The following HOMER1 variants were observed in gnomAD, a reference collection of about 807,000 sequenced individuals.
HOMER1 encodes homer protein homolog 1.
HOMER1 carries 3 observed loss-of-function variants against 48.9 expected under a neutral mutation model. The ratio of observed to expected loss-of-function variants is 0.06; its 90% CI spans 0.03 to 0.16. The LOEUF (loss-of-function observed/expected upper bound fraction) is 0.16, where lower values mean the gene tolerates loss of function less well. Ranked by LOEUF, HOMER1 falls within the 10% of genes least tolerant of loss-of-function variation. The probability of loss-of-function intolerance (pLI) is 1.00; values close to 1 mark genes in which losing one functional copy is unlikely to be tolerated. For synonymous variants in HOMER1, 134 were observed against 146.4 expected (o/e 0.92, Z 0.61); for missense variants, 247 against 411.4 (o/e 0.60, Z 3.46).
Position 79,447,126 on chromosome 5 carries a change from T to G in HOMER1, c.314A>C (p.Glu105Ala). The G allele has an allele frequency of 6.2e-7, 1 of 1,612,532 alleles. No individual in the cohort carries two copies. The highest frequency in any genetic ancestry group is 8.5e-7 in the Non-Finnish European group (1 of 1,179,018). ...TGCTAGTCGAGCAGCTTCTTTAAATTCCTGAAACTTTTCTGCAAACTGAAT... is the reference window on the plus strand; with the variant it reads ...TGCTAGTCGAGCAGCTTCTTTAAATGCCTGAAACTTTTCTGCAAACTGAAT... ...HLSKFAEKFQ[E>A]FKEAARLAKE... is the part of the protein sequence containing the mutation. Residue 105 changes from glutamate (E) to alanine (A), a missense_variant, in exon 4 of 9, where the codon GAA (glutamate) becomes GCA (alanine). Glu to Ala is a moderately radical substitution (Grantham distance 107). Coordinates refer to ENST00000334082, the MANE Select transcript of HOMER1 (RefSeq NM_004272.5).
At chr5:79,398,384 T>C (rs1401391324) in intron 6 of HOMER1, among the ~76,000 whole-genome samples, 3 of 151,850 alleles carry the variant, frequency 2.0e-5, no homozygotes, top group African/African-American at 4.8e-5. Flanking sequence ...GCTCATAAAA[T>C]TTTGGTTTAC....
At chr5:79,495,713 T>G (rs1752401225) in intron 1 of HOMER1, among the ~76,000 whole-genome samples, 1 of 152,230 alleles carries the variant, frequency 6.6e-6, no homozygotes, top group Non-Finnish European at 1.5e-5. Context: ...AATTTTAAGT[T>G]TTTAATTTTA....
At chr5:79,398,443 T>C (rs566613081) in intron 6 of HOMER1, among the ~76,000 whole-genome samples, 2 of 152,166 alleles carry the variant, frequency 1.3e-5, no homozygotes, top group African/African-American at 2.4e-5. Flanking sequence ...TAAATCCCTC[T>C]CCCTGGCATT....
intron 8 of HOMER1, among the ~76,000 whole-genome samples, chr5:79,396,278 T>C (rs1397538419): frequency 6.7e-6 from 1 of 149,292 alleles, no homozygotes; most frequent in Non-Finnish European, 1.5e-5. Flanking sequence ...GTATAATTCA[T>C]ACATTAGTAC....
intron 5 of HOMER1, among the ~76,000 whole-genome samples, chr5:79,404,216 T>C (rs1159299006): frequency 3.9e-5 from 6 of 152,198 alleles, no homozygotes; most frequent in African/African-American, 1.2e-4. Flanking sequence ...TATTTACTCC[T>C]AAAATCCATT....
At chr5:79,393,344 A>G (rs980255680) in intron 8 of HOMER1, among the ~76,000 whole-genome samples, 3 of 152,156 alleles carry the variant, frequency 2.0e-5, no homozygotes, top group Non-Finnish European at 4.4e-5. Context: ...AAGTCAGAGA[A>G]ATTAACATCT....
chr5:79,506,123 TA>T (rs199787924), intron 1 of HOMER1, among the ~76,000 whole-genome samples: 7 of 87,502 alleles, frequency 8.0e-5, no homozygotes, highest in African/African-American at 1.8e-4. Context: ...TTTATTTATT[TA>T]TTTTTTTGAG....
intron 5 of HOMER1, among the ~76,000 whole-genome samples, chr5:79,431,529 C>A (rs1207960854): frequency 6.6e-6 from 1 of 151,792 alleles, no homozygotes; most frequent in Admixed American, 6.6e-5. Context: ...TGGGGAGTAA[C>A]GAAAATGTTC....
Position 79,374,161 on chromosome 5 carries a change from CATCA to C in HOMER1, c.*1844_*1847del, listed in dbSNP as rs1187943104. ...TAAAAACACATTTACTTCAAAATTCCATCAATCAAATACATTTTGTTACCTGATT... is the reference window on the plus strand; with the variant it reads ...TAAAAACACATTTACTTCAAAATTCCATCAAATACATTTTGTTACCTGATT... On this transcript the variant is annotated 3_prime_UTR_variant, in exon 9 of 9. Transcript: ENST00000334082. The C allele has an allele frequency of 6.6e-6, 1 of 152,270 alleles. No individual in the cohort carries two copies. The highest frequency in any genetic ancestry group is 1.5e-5 in the Non-Finnish European group (1 of 67,848). 9.4% of individuals were successfully genotyped at this position (152,270 alleles called of 1,614,324 possible).
chr5:79,504,625 A>C (rs955519102), intron 1 of HOMER1, among the ~76,000 whole-genome samples: 1 of 152,176 alleles, frequency 6.6e-6, no homozygotes, highest in Admixed American at 6.5e-5. Context: ...GGAAGCTAGA[A>C]AGTAACTGGG....
intron 5 of HOMER1, among the ~76,000 whole-genome samples, chr5:79,404,046 G>A (rs959308627): frequency 6.6e-6 from 1 of 152,128 alleles, no homozygotes; most frequent in Non-Finnish European, 1.5e-5. Flanking sequence ...CTGAATTATA[G>A]ATTTTTCTTT....
chr5:79,507,892 C>T (rs548163383), intron 1 of HOMER1, among the ~76,000 whole-genome samples: 1 of 152,298 alleles, frequency 6.6e-6, no homozygotes, highest in East Asian at 1.9e-4. Flanking sequence ...CTGCTAAGAA[C>T]ATACCATGCT....
At chr5:79,486,334 G>C (rs567476832) in intron 1 of HOMER1, among the ~76,000 whole-genome samples, 46 of 141,250 alleles carry the variant, frequency 3.3e-4, no homozygotes, top group African/African-American at 1.2e-3. Context: ...TTGCAAGAGA[G>C]ACAATGAGAA....
At position 79,490,792 on chromosome 5, in the gene HOMER1, A is replaced by AAAAAAAAAAAAAAC. The variant is rs148573552; in HGVS notation, c.5+21977_5+21978insGTTTTTTTTTTTTT. Among the ~76,000 whole-genome samples the AAAAAAAAAAAAAAC allele has an allele frequency of 1.4e-5, 2 of 145,906 alleles. 1 individual carries two copies. The highest frequency in any genetic ancestry group is 5.3e-5 in the African/African-American group (2 of 37,916). ...ACCAAAAAAAAAAACAAAAAAAAAA[A>AAAAAAAAAAAAAAC]CCATAAAAAAATTAGCCAGGCATGG... On this transcript the variant is annotated intron_variant, in intron 1 of 8. Coordinates refer to ENST00000334082, the MANE Select transcript of HOMER1 (RefSeq NM_004272.5).
intron 5 of HOMER1, among the ~76,000 whole-genome samples, chr5:79,412,703 G>C (rs1013737826): frequency 9.9e-5 from 15 of 152,216 alleles, no homozygotes; most frequent in Admixed American, 2.6e-4. Flanking sequence ...ACAAGACCCA[G>C]TGTCTCATAA....
chr5:79,384,897 GATC>G (rs1349303533), intron 8 of HOMER1, among the ~76,000 whole-genome samples: 8 of 152,152 alleles, frequency 5.3e-5, no homozygotes, highest in African/African-American at 1.9e-4. Context: ...AAAAAAATAT[GATC>G]ATCAATAGAT....
intron 1 of HOMER1, among the ~76,000 whole-genome samples, chr5:79,482,993 A>G (rs1397608952): frequency 6.6e-6 from 1 of 152,198 alleles, no homozygotes; most frequent in Non-Finnish European, 1.5e-5. Context: ...ACAGGTCAAG[A>G]GCTGTTTCCA....
At chr5:79,490,505 GAATT>G (rs1405779737) in intron 1 of HOMER1, among the ~76,000 whole-genome samples, 5 of 152,100 alleles carry the variant, frequency 3.3e-5, no homozygotes, top group Admixed American at 6.5e-5. Context: ...TATAACAGTA[GAATT>G]AATGATTACT....
intron 1 of HOMER1, among the ~76,000 whole-genome samples, chr5:79,495,535 A>C (rs1349280599): frequency 1.3e-5 from 2 of 152,140 alleles, no homozygotes; most frequent in African/African-American, 4.8e-5. Flanking sequence ...ATGGCTATCT[A>C]CTTATCTTTG....
Sources: gnomAD v4.1 joint callset for allele counts (sites outside exome capture counted in the v4.1 genomes callset) on GRCh38, gnomAD v4.1.1 for gene constraint, MANE v1.5 for transcripts, NCBI Gene and HGNC (gene_info 2026-07-23, HGNC 2026-07-21) for gene names.